Variants in CELF5 observed in about 807,000 individuals in gnomAD.
CELF5 encodes CUGBP Elav-like family member 5.
Under a neutral mutation model 54.9 loss-of-function variants are expected in CELF5, and 6 were observed. The ratio of observed to expected loss-of-function variants is 0.11; its 90% CI spans 0.06 to 0.22. The LOEUF (loss-of-function observed/expected upper bound fraction) is 0.22. CELF5 is among the 10% of genes least tolerant of loss of function. CELF5 has a pLI of 1.00. For synonymous variants in CELF5, 271 were observed against 290.9 expected, an observed-to-expected ratio of 0.93 and a Z score of 0.70; for missense variants, 401 against 678.6, an observed-to-expected ratio of 0.59 and a Z score of 4.54.
At chr19:3,272,996 G>A (rs1462213395) in intron 2 of CELF5, among the ~76,000 whole-genome samples, 4 of 152,008 alleles carry the variant, frequency 2.6e-5, no homozygotes, top group African/African-American at 9.7e-5. Flanking sequence ...TTCAATGCCT[G>A]GGGTGGGGGA....
At chr19:3,232,281 G>A (rs1046415264) in intron 1 of CELF5, among the ~76,000 whole-genome samples, 5 of 152,184 alleles carry the variant, frequency 3.3e-5, no homozygotes, top group African/African-American at 7.2e-5. Context: ...GTGGCCAGGC[G>A]TGGTAGCTCA....
At chr19:3,263,353 A>G (rs2079833085) in intron 2 of CELF5, among the ~76,000 whole-genome samples, 1 of 151,430 alleles carries the variant, frequency 6.6e-6, no homozygotes, top group Non-Finnish European at 1.5e-5. Flanking sequence ...TAAGGTCAGG[A>G]GATCGAGACC....
intron 2 of CELF5, among the ~76,000 whole-genome samples, chr19:3,252,754 G>C (rs765458946): frequency 1.3e-5 from 2 of 152,078 alleles, no homozygotes; most frequent in African/African-American, 4.8e-5. Context: ...TGTGATGCAA[G>C]TTAGAGTGTG....
intron 1 of CELF5, among the ~76,000 whole-genome samples, chr19:3,236,503 C>A (rs1188883445): frequency 6.6e-6 from 1 of 152,110 alleles, no homozygotes; most frequent in Non-Finnish European, 1.5e-5. Flanking sequence ...AACTTGGAGA[C>A]CCCTGCCATG....
At chr19:3,266,238 T>G (rs1237872093) in intron 2 of CELF5, among the ~76,000 whole-genome samples, 1 of 152,094 alleles carries the variant, frequency 6.6e-6, no homozygotes, top group Non-Finnish European at 1.5e-5. Context: ...GTGGCAACGG[T>G]AAACGGACAT....
chr19:3,239,539 T>C (rs181117539), intron 1 of CELF5, among the ~76,000 whole-genome samples: 2 of 129,440 alleles, frequency 1.5e-5, no homozygotes, highest in Admixed American at 1.5e-4. Context: ...CCCGGCTAAC[T>C]TTTTTTTTTT....
At chr19:3,238,292 A>G (rs1309039580) in intron 1 of CELF5, among the ~76,000 whole-genome samples, 3 of 152,182 alleles carry the variant, frequency 2.0e-5, no homozygotes, top group Admixed American at 6.5e-5. Context: ...CGCTTCTGAC[A>G]GTACTTCCCT....
At chr19:3,285,063 T>G in intron 9 of CELF5, 99 bp downstream of exon 9, 1 of 884,014 alleles carries the variant, frequency 1.1e-6, no homozygotes, top group Non-Finnish European at 1.8e-6. Context: ...CTTCTGTGCC[T>G]AGCCGCGCCT....
chr19:3,295,301 C>T (rs2080418180), intron 12 of CELF5: 1 of 152,158 alleles, frequency 6.6e-6, no homozygotes, highest in African/African-American at 2.4e-5. Context: ...GCTCTCGCTT[C>T]TTCCCCACAA....
rs73921262 is a variant in CELF5 at position 3,266,496 on chromosome 19, C to T, written c.343-7376C>T. Among the ~76,000 whole-genome samples the T allele has an allele frequency of 1.0e-3, 159 of 152,154 alleles. 1 individual carries two copies. The highest frequency in any genetic ancestry group is 3.7e-3 in the African/African-American group (153 of 41,522). On this transcript the variant is annotated intron_variant, in intron 2 of 12. Coordinates refer to ENST00000292672, the MANE Select transcript of CELF5 (RefSeq NM_021938.4). ...TTGCTGTGTGTATCAGCGTCTTGGGCGTTTTCACTGCTGTCTAGTATTCCA... is the reference window on the plus strand; with the variant it reads ...TTGCTGTGTGTATCAGCGTCTTGGGTGTTTTCACTGCTGTCTAGTATTCCA...
rs1431486248 is a variant in CELF5, at chr19:3,257,781, TTTTTTTTATTTATTTATTTA to T, written c.342+6718_342+6737del. ...ATGAGCCACCATGCCCAGCCTCCAT[TTTTTTTTATTTATTTATTTA>T]TTTATTTATTTATTTATTTATTTAT... On this transcript the variant is annotated intron_variant, in intron 2 of 12. Transcript: ENST00000292672. Among the ~76,000 whole-genome samples, 620 of 91,868 alleles carry T rather than the reference TTTTTTTTATTTATTTATTTA, an allele frequency of 6.7e-3. 11 individuals are homozygous for T. Among genetic ancestry groups the T allele is most frequent in the African/African-American group, 0.027 (550 of 20,426 alleles). 60.3% of individuals were successfully genotyped at this position (91,868 alleles called of 152,430 possible). A position where few individuals can be genotyped will look rare whatever the true frequency, so the allele number is the denominator to read the frequency against.
At chr19:3,264,805 C>G (rs2079859265) in intron 2 of CELF5, among the ~76,000 whole-genome samples, 1 of 151,902 alleles carries the variant, frequency 6.6e-6, no homozygotes, top group Admixed American at 6.6e-5. Flanking sequence ...CAACCTCTGC[C>G]TCCCTGATTC....
In CELF5 at chr19:3,293,285, C is replaced by T. The variant is rs372802070; in HGVS notation, c.1331-34C>T. 57 of 1,612,298 alleles carry T rather than the reference C, an allele frequency of 3.5e-5. 2 individuals are homozygous for T. Among genetic ancestry groups the T allele is most frequent in the East Asian group, 1.8e-4 (8 of 44,846 alleles). On this transcript the variant is annotated intron_variant, in intron 11 of 12. Coordinates refer to ENST00000292672, the MANE Select transcript of CELF5 (RefSeq NM_021938.4). Reference sequence around the variant, plus strand: ...AGGAACAAGCCGAGGACACCCGCAGCGCCAACCACGGAGGTCCACCCTGGT... The same window carrying T: ...AGGAACAAGCCGAGGACACCCGCAGTGCCAACCACGGAGGTCCACCCTGGT...
intron 1 of CELF5, among the ~76,000 whole-genome samples, chr19:3,237,555 G>A (rs576054782): frequency 1.6e-4 from 24 of 152,224 alleles, no homozygotes; most frequent in African/African-American, 5.1e-4. Context: ...GCGCGGGTGG[G>A]AGTGTCTCTT....
chr19:3,234,845 C>T (rs1189417016), intron 1 of CELF5, among the ~76,000 whole-genome samples: 1 of 152,152 alleles, frequency 6.6e-6, no homozygotes. Context: ...CATCCCTCAC[C>T]TGGACCAGTG....
chr19:3,234,004 G>T (rs1182318891), intron 1 of CELF5, among the ~76,000 whole-genome samples: 2 of 152,166 alleles, frequency 1.3e-5, no homozygotes, highest in Non-Finnish European at 2.9e-5. Flanking sequence ...GCCCCTCAGT[G>T]CCCTCCCATT....
Position 3,282,375 on chromosome 19 carries a change from G to A in CELF5, c.916G>A (p.Gly306Ser). The A allele has an allele frequency of 6.2e-7, 1 of 1,610,628 alleles. No homozygotes were observed. Among genetic ancestry groups the A allele is most frequent in the African/African-American group, 1.3e-5 (1 of 75,054 alleles). The part of the protein sequence containing the change: ...ASGLHSPPLL[G>S]TTAVPGLVAP... Reference sequence around the variant, plus strand: ...AGGGCTGCACTCACCCCCGCTGCTGGGCACCACCGCTGTGCCTGGCCTCGT... The same window carrying A: ...AGGGCTGCACTCACCCCCGCTGCTGAGCACCACCGCTGTGCCTGGCCTCGT... Residue 306 changes from glycine to serine, a missense_variant, in exon 8 of 13, where the codon GGC (glycine) becomes AGC (serine). Coordinates refer to ENST00000292672, the MANE Select transcript of CELF5 (RefSeq NM_021938.4). This position sits in a 1 kb window ranked among gnomAD's most constrained non-coding sequence, Gnocchi z 5.2.
At chr19:3,261,444 C>G (rs972761330) in intron 2 of CELF5, among the ~76,000 whole-genome samples, 1 of 151,404 alleles carries the variant, frequency 6.6e-6, no homozygotes, top group South Asian at 2.1e-4. Flanking sequence ...ATTAAATGTC[C>G]AAATCTGTGA....
intron 1 of CELF5, among the ~76,000 whole-genome samples, chr19:3,229,068 G>A (rs1169495895): frequency 6.6e-6 from 1 of 151,838 alleles, no homozygotes; most frequent in Admixed American, 6.6e-5. Flanking sequence ...ACCTGTGACT[G>A]TGACATCGTT....
Sources: gnomAD v4.1 joint callset for allele counts (sites outside exome capture counted in the v4.1 genomes callset) on GRCh38, gnomAD v4.1.1 for gene constraint, Gnocchi (gnomAD v3.1) non-coding constraint, MANE v1.5 for transcripts, NCBI Gene and HGNC (gene_info 2026-07-23, HGNC 2026-07-21) for gene names.